Variants in SUGT1 observed in about 807,000 individuals in gnomAD.
The protein encoded by SUGT1 is SGT1 assembly cochaperone of MIS12 kinetochore complex, also known as protein SGT1 homolog.
Under a neutral mutation model 56.1 loss-of-function variants are expected in SUGT1, and 15 were observed. The ratio of observed to expected loss-of-function variants is 0.27; its 90% confidence interval spans 0.18 to 0.41. The LOEUF (loss-of-function observed/expected upper bound fraction) is 0.41, where lower values mean the gene tolerates loss of function less well. SUGT1 is among the 10% of genes least tolerant of loss of function. The pLI is 1.00. For synonymous variants in SUGT1, 123 were observed against 128.6 expected (o/e 0.96, Z 0.30); for missense variants, 347 against 382.2 (o/e 0.91, Z 0.77).
chr13:52,662,967 T>A (rs1414082263), intron 6 of SUGT1, 129 bp from the exon 7 acceptor site: 11 of 1,070,656 alleles, frequency 1.0e-5, no homozygotes, highest in South Asian at 1.7e-5. Context: ...TGAAACCACT[T>A]TTCTTTAGTT....
At chr13:52,661,831 T>G (rs1266805396) in intron 5 of SUGT1, among the ~76,000 whole-genome samples, 1 of 152,190 alleles carries the variant, frequency 6.6e-6, no homozygotes, top group Non-Finnish European at 1.5e-5. Context: ...ATAGTTGGAT[T>G]TCTTTTATAA....
At chr13:52,654,341 G>C (rs781650838) in intron 2 of SUGT1, among the ~76,000 whole-genome samples, 2 of 152,116 alleles carry the variant, frequency 1.3e-5, no homozygotes, top group African/African-American at 2.4e-5. Flanking sequence ...TGTTATTGTC[G>C]TGTTAGACCT....
chr13:52,674,340 T>C (rs1173405655), intron 10 of SUGT1, among the ~76,000 whole-genome samples: 1 of 152,092 alleles, frequency 6.6e-6, no homozygotes, highest in East Asian at 1.9e-4. Flanking sequence ...CTCTTTGCCC[T>C]TATCCCAGTG....
At chr13:52,685,228 G>T (rs1963530889) in intron 12 of SUGT1, among the ~76,000 whole-genome samples, 1 of 147,044 alleles carries the variant, frequency 6.8e-6, no homozygotes, top group Admixed American at 7.0e-5. Context: ...CACCACACCT[G>T]GCTATTTTTC....
At chr13:52,687,628 A>G (rs1963647203) in intron 12 of SUGT1, 106 bp from the exon 13 acceptor site, 3 of 695,004 alleles carry the variant, frequency 4.3e-6, no homozygotes, top group African/African-American at 1.8e-5. Flanking sequence ...ATTGAGCTGT[A>G]TATAATAGCC....
chr13:52,696,914 C>CTTTTTTTTTTTTTTTTTTTT lies in SUGT1; in HGVS notation c.*9080_*9099dup, dbSNP rs60107053. On this transcript the variant is annotated 3_prime_UTR_variant, in exon 13 of 13. Coordinates refer to ENST00000310528, the MANE Select transcript of SUGT1 (RefSeq NM_006704.5). Reference sequence around the variant, plus strand: ...TCAAAACCAGTGTGATATCCAAGTACTTTTTTTTTTTTTTTTTTTTGCTAT... The same window carrying CTTTTTTTTTTTTTTTTTTTT: ...TCAAAACCAGTGTGATATCCAAGTACTTTTTTTTTTTTTTTTTTTTTTTTTTTTTTTTTTTTTTTTGCTAT... 9.2e-6 allele frequency: 1 copy of CTTTTTTTTTTTTTTTTTTTT among 108,792 alleles called. No individual in the cohort carries two copies. The highest frequency in any genetic ancestry group is 1.9e-5 in the Non-Finnish European group (1 of 53,366). The allele number at this position is 108,792 out of a possible 1,614,324, so 6.7% of individuals were successfully genotyped here.
At chr13:52,682,498 G>A (rs1178654501) in intron 12 of SUGT1, among the ~76,000 whole-genome samples, 1 of 152,206 alleles carries the variant, frequency 6.6e-6, no homozygotes, top group East Asian at 1.9e-4. Flanking sequence ...ACAGCACCTG[G>A]CCTACATATT....
chr13:52,676,454 T>A, intron 11 of SUGT1, 134 bp downstream of exon 11: 1 of 714,614 alleles, frequency 1.4e-6, no homozygotes, highest in Non-Finnish European at 2.1e-6. Context: ...ATAAGGTTGC[T>A]CCGTAATGAA....
intron 4 of SUGT1, among the ~76,000 whole-genome samples, chr13:52,658,885 T>TAAGTATA (rs1962291578): frequency 6.6e-6 from 1 of 152,068 alleles, no homozygotes; most frequent in African/African-American, 2.4e-5. Flanking sequence ...TTTCTGTTGA[T>TAAGTATA]AAGTATAACT....
chr13:52,682,792 C>T (rs951832820), intron 12 of SUGT1, among the ~76,000 whole-genome samples: 1 of 152,218 alleles, frequency 6.6e-6, no homozygotes, highest in African/African-American at 2.4e-5. Context: ...TGGGCAGACT[C>T]ATTCCTCCTA....
rs986332430 is a variant in SUGT1 at position 52,699,371 on chromosome 13, CAGAG to C, written c.*11541_*11544del. The C allele has an allele frequency of 4.3e-4, 66 of 152,216 alleles. No homozygotes were observed. Among genetic ancestry groups the C allele is most frequent in the African/African-American group, 9.2e-4 (38 of 41,530 alleles). 9.4% of individuals were successfully genotyped at this position (152,216 alleles called of 1,614,324 possible). On this transcript the variant is annotated 3_prime_UTR_variant, in exon 13 of 13. Coordinates refer to ENST00000310528, the MANE Select transcript of SUGT1 (RefSeq NM_006704.5). Reference sequence around the variant, plus strand: ...TACTAGAACTGAGCAGAGAAATACTCAGAGAGAGCCATGGCATAGTACTAATTAA... The same window carrying C: ...TACTAGAACTGAGCAGAGAAATACTCAGAGCCATGGCATAGTACTAATTAA...
rs1963909856 is a variant in SUGT1 at position 52,695,704 on chromosome 13, A to G, written c.*7869A>G. 6.6e-6 allele frequency: 1 copy of G among 152,236 alleles called. No individual in the cohort carries two copies. Among genetic ancestry groups the G allele is most frequent in the African/African-American group, 2.4e-5 (1 of 41,470 alleles). 9.4% of individuals were successfully genotyped at this position (152,236 alleles called of 1,614,324 possible). On this transcript the variant is annotated 3_prime_UTR_variant, in exon 13 of 13. Coordinates refer to ENST00000310528, the MANE Select transcript of SUGT1 (RefSeq NM_006704.5). Reference sequence around the variant, plus strand: ...ATCTCTTGTCACTGCTTTGCTGTGTACTAAAGCTCCCAGACACACAAGAAT... The same window carrying G: ...ATCTCTTGTCACTGCTTTGCTGTGTGCTAAAGCTCCCAGACACACAAGAAT...
At chr13:52,659,799 T>C (rs1962338452) in intron 5 of SUGT1, among the ~76,000 whole-genome samples, 1 of 15,528 alleles carries the variant, frequency 6.4e-5, no homozygotes. Context: ...AATATATATA[T>C]ATATATATAT....
In SUGT1 at chr13:52,691,386, C is replaced by T. The variant is rs1464944344; in HGVS notation, c.*3551C>T. On this transcript the variant is annotated 3_prime_UTR_variant, in exon 13 of 13. Transcript: ENST00000310528. ...AGTTCAGTACTTAAATATTTTTTGGCTCTTCTTTCCCACTTTACCTTTCTC... is the reference window on the plus strand; with the variant it reads ...AGTTCAGTACTTAAATATTTTTTGGTTCTTCTTTCCCACTTTACCTTTCTC... 6.6e-6 allele frequency: 1 copy of T among 152,142 alleles called. No individual in the cohort carries two copies. Among genetic ancestry groups the T allele is most frequent in the Non-Finnish European group, 1.5e-5 (1 of 68,014 alleles). The allele number at this position is 152,142 out of a possible 1,614,324, so 9.4% of individuals were successfully genotyped here. A position where few individuals can be genotyped will look rare whatever the true frequency, so the allele number is the denominator to read the frequency against.
rs386771061 is a variant in SUGT1, at chr13:52,692,455, GGAA to G, written c.*4622_*4624del. On this transcript the variant is annotated 3_prime_UTR_variant, in exon 13 of 13. Transcript: ENST00000310528. ...GAGACAGTCTCACTCTGTCGTTCAG[GGAA>G]GGAATGCAGTGGTGCAATCTTGGCT... 0.96 allele frequency: 144,856 copies of G among 151,420 alleles called. 69,311 individuals carry two copies. The highest frequency in any genetic ancestry group is 0.99 in the East Asian group (5,101 of 5,144). 9.4% of individuals were successfully genotyped at this position (151,420 alleles called of 1,614,324 possible).
chr13:52,686,763 T>G (rs554900112), intron 12 of SUGT1, among the ~76,000 whole-genome samples: 1 of 152,266 alleles, frequency 6.6e-6, no homozygotes, highest in Admixed American at 6.5e-5. Context: ...ATTTTTATCA[T>G]GTTAAAATAA....
At chr13:52,677,334 G>T (rs1424306148) in intron 11 of SUGT1, among the ~76,000 whole-genome samples, 3 of 152,122 alleles carry the variant, frequency 2.0e-5, no homozygotes, top group African/African-American at 7.2e-5. Context: ...CTCTTAAGTA[G>T]TCTGTGGTAT....
At chr13:52,656,945 AC>A (rs1962194527) in intron 2 of SUGT1, among the ~76,000 whole-genome samples, 1 of 151,988 alleles carries the variant, frequency 6.6e-6, no homozygotes. Flanking sequence ...TCTAATGTTA[AC>A]TCTTGGTAGT....
At chr13:52,657,440 CAATAAGT>C in intron 2 of SUGT1, 85 bp from the exon 3 acceptor site, 1 of 1,078,936 alleles carries the variant, frequency 9.3e-7, no homozygotes, top group South Asian at 1.4e-5. Flanking sequence ...TAGCTTCTGA[CAATAAGT>C]TACTTGATTA....
Sources: gnomAD v4.1 joint callset for allele counts (sites outside exome capture counted in the v4.1 genomes callset) on GRCh38, gnomAD v4.1.1 for gene constraint, MANE v1.5 for transcripts, NCBI Gene and HGNC (gene_info 2026-07-23, HGNC 2026-07-21) for gene names.